Variants in HLF observed in about 807,000 individuals in gnomAD.
The protein encoded by HLF is hepatic leukemia factor.
In HLF, 3 loss-of-function variants were observed where a neutral mutation model predicts 22.6. The observed-to-expected ratio is 0.13, with a 90% confidence interval of 0.06 to 0.34. HLF has a LOEUF of 0.34. Ranked by LOEUF, HLF falls within the 10% of genes least tolerant of loss-of-function variation. The probability of loss-of-function intolerance (pLI) is 1.00; values close to 1 mark genes in which losing one functional copy is unlikely to be tolerated. For synonymous variants in HLF, 151 were observed against 151.8 expected, an observed-to-expected ratio of 0.99 and a Z score of 0.04; for missense variants, 299 against 389.2, an observed-to-expected ratio of 0.77 and a Z score of 1.95.
chr17:55,281,950 G>A (rs140970668), intron 2 of HLF, among the ~76,000 whole-genome samples: 5 of 152,262 alleles, frequency 3.3e-5, no homozygotes, highest in Admixed American at 6.5e-5. Context: ...GCATCGGCAC[G>A]TGATTGTGGG....
chr17:55,315,724 G>C (rs149488682), intron 3 of HLF, among the ~76,000 whole-genome samples: 64 of 152,290 alleles, frequency 4.2e-4, no homozygotes, highest in African/African-American at 1.3e-3. Flanking sequence ...GCTCCTATCT[G>C]CATGGAAACC....
chr17:55,276,041 G>A (rs1022043968), intron 2 of HLF, among the ~76,000 whole-genome samples: 1 of 152,160 alleles, frequency 6.6e-6, no homozygotes, highest in African/African-American at 2.4e-5. Flanking sequence ...CCAGGAGTTC[G>A]AGGCTGCAGT....
chr17:55,286,280 A>C (rs1020968704), intron 2 of HLF, among the ~76,000 whole-genome samples: 2 of 151,912 alleles, frequency 1.3e-5, no homozygotes, highest in African/African-American at 4.8e-5. Flanking sequence ...GTCTATTTTT[A>C]TTTCTTTTCT....
At chr17:55,304,437 G>A (rs1040871398) in intron 2 of HLF, among the ~76,000 whole-genome samples, 2 of 152,176 alleles carry the variant, frequency 1.3e-5, no homozygotes, top group Non-Finnish European at 2.9e-5. Context: ...CTTCTAACCG[G>A]CTGTGGTTAT....
intron 2 of HLF, chr17:55,288,869 C>A: frequency 1.0e-6 from 1 of 978,452 alleles, no homozygotes; most frequent in Non-Finnish European, 1.2e-6. Context: ...ATTTTCCACC[C>A]TTTAATCACA....
chr17:55,283,658 A>C (rs1309747301), intron 2 of HLF: 2 of 152,310 alleles, frequency 1.3e-5, no homozygotes, highest in African/African-American at 4.8e-5. Flanking sequence ...TGGTCACGAG[A>C]CAGGAATTGC....
intron 1 of HLF, among the ~76,000 whole-genome samples, chr17:55,266,043 A>T (rs2080784489): frequency 6.6e-6 from 1 of 151,994 alleles, no homozygotes. Flanking sequence ...TTCACTGCGT[A>T]GCCTGGGTTT....
Position 55,267,677 on chromosome 17 carries a change from A to G in HLF, c.116-74A>G, listed in dbSNP as rs2080806340. The G allele has an allele frequency of 8.4e-6, 9 of 1,065,178 alleles. No individual in the cohort carries two copies. In the East Asian group the frequency reaches 2.3e-4, roughly 27 times the overall value. 66.0% of individuals were successfully genotyped at this position (1,065,178 alleles called of 1,614,324 possible). A position where few individuals can be genotyped will look rare whatever the true frequency, so the allele number is the denominator to read the frequency against. On this transcript the variant is annotated intron_variant, in intron 1 of 3. Coordinates refer to ENST00000226067, the MANE Select transcript of HLF (RefSeq NM_002126.5). ...AGAAATAGTCTTATAACAGGCCAGG[A>G]AAAGTGATAAAAGAGCGGTATTGTT...
intron 2 of HLF, among the ~76,000 whole-genome samples, chr17:55,307,147 C>CTTTTTTT (rs35828509): frequency 3.8e-4 from 27 of 70,162 alleles, no homozygotes; most frequent in East Asian, 1.1e-3. Flanking sequence ...TCTCAGCGGC[C>CTTTTTTT]TTTTTTTTTT....
Position 55,323,982 on chromosome 17 carries a change from A to C in HLF, c.*3103A>C. On this transcript the variant is annotated 3_prime_UTR_variant, in exon 4 of 4. Transcript: ENST00000226067. Reference sequence around the variant, plus strand: ...TGTTTCTTTTAACTAGACTTGGCAAAGAAAGGCAAAAATTGACCAGCCTAT... The same window carrying C: ...TGTTTCTTTTAACTAGACTTGGCAACGAAAGGCAAAAATTGACCAGCCTAT... The C allele has an allele frequency of 4.4e-6, 1 of 229,382 alleles. No individual in the cohort carries two copies. The highest frequency in any genetic ancestry group is 8.6e-6 in the Non-Finnish European group (1 of 115,640). 14.2% of individuals were successfully genotyped at this position (229,382 alleles called of 1,614,324 possible). A position where few individuals can be genotyped will look rare whatever the true frequency, so the allele number is the denominator to read the frequency against.
intron 1 of HLF, 36 bp from the exon 2 acceptor site, chr17:55,267,712 TTTC>T (rs2080807183): frequency 7.0e-7 from 1 of 1,422,358 alleles, no homozygotes; most frequent in African/African-American, 1.4e-5. Flanking sequence ...TTTTCTTTTC[TTTC>T]TTTTTTTTTA....
At chr17:55,297,233 A>T (rs1206697510) in intron 2 of HLF, among the ~76,000 whole-genome samples, 1 of 152,196 alleles carries the variant, frequency 6.6e-6, no homozygotes, top group East Asian at 1.9e-4. Context: ...TCTGTTTGAT[A>T]CTTTTCTTGT....
intron 2 of HLF, among the ~76,000 whole-genome samples, chr17:55,271,124 T>G (rs1271916327): frequency 6.6e-6 from 1 of 152,136 alleles, no homozygotes; most frequent in Non-Finnish European, 1.5e-5. Context: ...GTCTAGAACT[T>G]CAATTTGGAC....
At chr17:55,280,070 T>G (rs369930223) in intron 2 of HLF, among the ~76,000 whole-genome samples, 1 of 152,344 alleles carries the variant, frequency 6.6e-6, no homozygotes, top group South Asian at 2.1e-4. Context: ...AGATGATACA[T>G]GTACAGCACT....
Position 55,315,109 on chromosome 17 carries a change from T to G in HLF, c.452-118T>G. 4.1e-6 allele frequency: 3 copies of G among 730,098 alleles called. No homozygotes were observed. In the East Asian group the frequency reaches 7.6e-5, roughly 19 times the overall value. The allele number at this position is 730,098 out of a possible 1,614,324, so 45.2% of individuals were successfully genotyped here. A position where few individuals can be genotyped will look rare whatever the true frequency, so the allele number is the denominator to read the frequency against. ...GTGCGGATGAGTAAGATAAATCATG[T>G]TAGCATCATATATAAGTGAGCTGAA... is the stretch of plus-strand genomic sequence containing the variant. On this transcript the variant is annotated intron_variant, in intron 2 of 3. Transcript: ENST00000226067.
intron 2 of HLF, among the ~76,000 whole-genome samples, chr17:55,309,138 G>A (rs1470351420): frequency 6.6e-6 from 1 of 152,194 alleles, no homozygotes; most frequent in East Asian, 1.9e-4. Flanking sequence ...CCATGGAATA[G>A]GACATGAATG....
At chr17:55,273,988 A>G (rs1352758257) in intron 2 of HLF, among the ~76,000 whole-genome samples, 1 of 152,072 alleles carries the variant, frequency 6.6e-6, no homozygotes, top group Non-Finnish European at 1.5e-5. Flanking sequence ...TGCGGTGGGC[A>G]GGATTCCTGG....
rs777941034 is a variant in HLF at position 55,314,767 on chromosome 17, C to T, written c.452-460C>T. On this transcript the variant is annotated intron_variant, in intron 2 of 3. Transcript: ENST00000226067. ...ATGCTCCCTAACCTCCTTTGTGTTA[C>T]GTACCATTTCCTCACACTGTGGAAG... Among the ~76,000 whole-genome samples, 9 of 152,306 alleles carry T rather than the reference C, an allele frequency of 5.9e-5. No individual in the cohort carries two copies. In the South Asian group the frequency reaches 6.2e-4, roughly 11 times the overall value.
rs190435062 is a variant in HLF at position 55,324,958 on chromosome 17, G to A, written c.*4079G>A. 8.7e-6 allele frequency: 2 copies of A among 230,494 alleles called. No individual in the cohort carries two copies. The highest frequency in any genetic ancestry group is 4.4e-5 in the African/African-American group (2 of 45,276). 14.3% of individuals were successfully genotyped at this position (230,494 alleles called of 1,614,324 possible). On this transcript the variant is annotated 3_prime_UTR_variant, in exon 4 of 4. Transcript: ENST00000226067. ...TTAAACAGGTACAAGTTGACATGAG[G>A]TTAGTTTAATTGTACACCATGATAT... is the stretch of plus-strand genomic sequence containing the variant.
Sources: gnomAD v4.1 joint callset for allele counts (sites outside exome capture counted in the v4.1 genomes callset) on GRCh38, gnomAD v4.1.1 for gene constraint, MANE v1.5 for transcripts, NCBI Gene and HGNC (gene_info 2026-07-23, HGNC 2026-07-21) for gene names.